Variants in CFI observed in about 807,000 individuals in gnomAD.
The protein encoded by CFI is complement factor I.
CFI carries 66 observed loss-of-function variants against 78.8 expected under a neutral mutation model. That is an observed-to-expected ratio of 0.84 (90% CI 0.69 to 1.03). The LOEUF is 1.03. CFI is among the 50% of genes least tolerant of loss of function. CFI has a pLI of 0.00. For missense variants in CFI, 706 were observed against 704.5 expected (o/e 1.00, Z -0.02); for synonymous variants, 250 against 232.6 (o/e 1.07, Z -0.68).
At chr4:109,758,873 A>C (rs1252457523) in intron 6 of CFI, among the ~76,000 whole-genome samples, 1 of 152,198 alleles carries the variant, frequency 6.6e-6, no homozygotes, top group Non-Finnish European at 1.5e-5. Flanking sequence ...CAGGCAGATC[A>C]CTTGAGGCCA....
chr4:109,781,116 T>C lies in CFI; in HGVS notation c.58-14292A>G, dbSNP rs796229272. On this transcript the variant is annotated intron_variant, in intron 1 of 12. Transcript: ENST00000394634. ...ACATATGTAACAAAACTGCACGTTG[T>C]GCACATGCAGCCTAGAACTTAAAGT... 1.6e-4 allele frequency among the ~76,000 whole-genome samples: 25 copies of C among 152,314 alleles called. 1 individual carries two copies. The highest frequency in any genetic ancestry group is 5.8e-4 in the African/African-American group (24 of 41,564).
At chr4:109,800,319 C>CTT (rs1560572852) in intron 1 of CFI, among the ~76,000 whole-genome samples, 4 of 102,112 alleles carry the variant, frequency 3.9e-5, no homozygotes, top group African/African-American at 1.6e-4. Context: ...TTTGGCTTCT[C>CTT]TGTTTTTTTT....
At chr4:109,783,563 T>C (rs892884637) in intron 1 of CFI, among the ~76,000 whole-genome samples, 1 of 151,920 alleles carries the variant, frequency 6.6e-6, no homozygotes, top group Non-Finnish European at 1.5e-5. Flanking sequence ...GGAACACTTC[T>C]ACACTGCTGG....
At chr4:109,780,789 C>A (rs1368705707) in intron 1 of CFI, among the ~76,000 whole-genome samples, 4 of 152,164 alleles carry the variant, frequency 2.6e-5, no homozygotes, top group African/African-American at 9.7e-5. Flanking sequence ...AAACGTGGAA[C>A]ATATACACCA....
intron 1 of CFI, among the ~76,000 whole-genome samples, chr4:109,787,489 A>G (rs1280562974): frequency 6.6e-6 from 1 of 152,086 alleles, no homozygotes; most frequent in Admixed American, 6.6e-5. Context: ...CAAACTCCTT[A>G]ACAGCAACCA....
In CFI at chr4:109,773,638, T is replaced by C. The variant is rs182701432; in HGVS notation, c.58-6814A>G. ...TATAATTCAAACCCTCGAGAACTAC[T>C]GGTGTAGGGAGTATGGGACTTAAAT... is the stretch of plus-strand genomic sequence containing the variant. On this transcript the variant is annotated intron_variant, in intron 1 of 12. Transcript: ENST00000394634. 6.8e-4 allele frequency among the ~76,000 whole-genome samples: 103 copies of C among 152,288 alleles called. 3 individuals are homozygous for C. The highest frequency in any genetic ancestry group is 5.5e-3 in the Admixed American group (84 of 15,294).
chr4:109,774,176 G>A (rs1479128144), intron 1 of CFI, among the ~76,000 whole-genome samples: 3 of 152,174 alleles, frequency 2.0e-5, no homozygotes, highest in Non-Finnish European at 4.4e-5. Context: ...GTAAGTCCTG[G>A]AGATACAAGA....
chr4:109,788,501 C>T lies in CFI; in HGVS notation c.57+13414G>A, dbSNP rs79901820. ...TTTTACTTCTTTCTTTACATCCTAA[C>T]CATATCTTTCAGTGATATAGATTTT... On this transcript the variant is annotated intron_variant, in intron 1 of 12. Transcript: ENST00000394634. 0.012 allele frequency among the ~76,000 whole-genome samples: 1,751 copies of T among 152,076 alleles called. 89 individuals carry two copies. In the East Asian group the frequency reaches 0.13, roughly 11 times the overall value.
chr4:109,792,206 T>C (rs1482022090), intron 1 of CFI, among the ~76,000 whole-genome samples: 1 of 152,204 alleles, frequency 6.6e-6, no homozygotes, highest in Non-Finnish European at 1.5e-5. Flanking sequence ...TATAGTGTTG[T>C]TCAAGTTCTC....
chr4:109,746,788 T>A (rs1460035042), intron 10 of CFI, among the ~76,000 whole-genome samples: 4 of 152,188 alleles, frequency 2.6e-5, no homozygotes, highest in African/African-American at 9.6e-5. Context: ...TTGCTGCCTC[T>A]GGAGTGAGTG....
At chr4:109,752,371 C>A in intron 8 of CFI, 97 bp downstream of exon 8, 1 of 1,053,244 alleles carries the variant, frequency 9.5e-7, no homozygotes, top group Non-Finnish European at 1.5e-6. Flanking sequence ...GATACCAAAA[C>A]TACTTGTTGC....
intron 1 of CFI, among the ~76,000 whole-genome samples, chr4:109,799,418 C>T (rs1732475753): frequency 1.3e-5 from 2 of 152,144 alleles, no homozygotes; most frequent in South Asian, 4.1e-4. Context: ...CTGTTCTTTC[C>T]AGTGCTAGGG....
rs114109052 is a variant in CFI, at chr4:109,796,003, C to T, written c.57+5912G>A. Among the ~76,000 whole-genome samples, 420 of 152,180 alleles carry T rather than the reference C, an allele frequency of 2.8e-3. 1 individual carries two copies. The highest frequency in any genetic ancestry group is 9.5e-3 in the African/African-American group (395 of 41,516). ...AATGGACATCTGGATTCATGAGGAC[C>T]AAAAGGATCACAAAGATATCTAACC... On this transcript the variant is annotated intron_variant, in intron 1 of 12. Transcript: ENST00000394634.
intron 12 of CFI, among the ~76,000 whole-genome samples, chr4:109,741,627 C>T (rs1014532813): frequency 2.6e-5 from 4 of 152,204 alleles, no homozygotes; most frequent in Admixed American, 6.5e-5. Context: ...CAGAGCTTGT[C>T]CTCTTGACCA....
chr4:109,768,120 T>C (rs1440503022), intron 1 of CFI, among the ~76,000 whole-genome samples: 6 of 90,188 alleles, frequency 6.7e-5, no homozygotes, highest in African/African-American at 8.9e-5. Context: ...CATCACACAC[T>C]GGGGCCTGTT....
chr4:109,752,778 G>A (rs562906990), intron 7 of CFI, among the ~76,000 whole-genome samples: 68 of 148,448 alleles, frequency 4.6e-4, no homozygotes, highest in African/African-American at 1.7e-3. Context: ...TGGTGTCACA[G>A]TTTCCAGTAG....
In CFI at chr4:109,746,324, C is replaced by G. The variant is rs771315945; in HGVS notation, c.1327G>C (p.Asp443His). 2 of 1,614,052 alleles carry G rather than the reference C, an allele frequency of 1.2e-6. No individual in the cohort carries two copies. Among genetic ancestry groups the G allele is most frequent in the African/African-American group, 2.7e-5 (2 of 74,938 alleles). The change falls in exon 11 of 13, where the codon GAT becomes CAT. Residue 443 changes from aspartate to histidine, a missense_variant. Coordinates refer to ENST00000394634, the MANE Select transcript of CFI (RefSeq NM_000204.5). The part of the protein sequence containing the change: ...IEMKKDGNKK[D>H]CELPRSIPAC... ...GGGATGGAACGAGGCAGCTCACAATCTTTTTTGTTTCCGTCTTTTTTCATT... is the reference window on the plus strand; with the variant it reads ...GGGATGGAACGAGGCAGCTCACAATGTTTTTTGTTTCCGTCTTTTTTCATT...
intron 1 of CFI, among the ~76,000 whole-genome samples, chr4:109,790,278 T>G (rs1256536525): frequency 6.6e-6 from 1 of 152,070 alleles, no homozygotes. Flanking sequence ...TCATTGATTC[T>G]ATTGTCTTAC....
chr4:109,783,665 C>T (rs897442062), intron 1 of CFI, among the ~76,000 whole-genome samples: 6 of 151,614 alleles, frequency 4.0e-5, no homozygotes, highest in Non-Finnish European at 2.9e-5. Context: ...TCAGCAATCC[C>T]GCTACTGGGT....
Sources: allele counts gnomAD v4.1 joint callset (sites outside exome capture counted in the v4.1 genomes callset), GRCh38; gene constraint gnomAD v4.1.1; transcripts MANE v1.5; gene names NCBI Gene and HGNC (gene_info 2026-07-23, HGNC 2026-07-21).